Variants in MICU3 observed in about 807,000 individuals in gnomAD.
MICU3 encodes calcium uptake protein 3, mitochondrial.
A neutral mutation model predicts 66.5 loss-of-function variants in MICU3; 62 were observed. That is an observed-to-expected ratio of 0.93 (90% CI 0.76 to 1.15). MICU3 has a LOEUF of 1.15. MICU3 is among the 50% of genes most tolerant of loss of function. MICU3 has a pLI of 0.00. For missense variants in MICU3, 779 were observed against 664.4 expected, an observed-to-expected ratio of 1.17 and a Z score of -1.90; for synonymous variants, 308 against 240.7, an observed-to-expected ratio of 1.28 and a Z score of -2.59.
intron 8 of MICU3, among the ~76,000 whole-genome samples, chr8:17,094,289 A>T (rs958645627): frequency 3.9e-5 from 6 of 152,028 alleles, no homozygotes; most frequent in Non-Finnish European, 7.4e-5. Flanking sequence ...CTGTGATCCC[A>T]TTACATTGTC....
intron 7 of MICU3, among the ~76,000 whole-genome samples, 190 bp from the exon 8 acceptor site, chr8:17,090,356 T>A (rs1374350840): frequency 6.6e-6 from 1 of 152,098 alleles, no homozygotes; most frequent in African/African-American, 2.4e-5. Flanking sequence ...TATCTGAGAT[T>A]TTTAAAACTT....
At chr8:17,091,399 A>G (rs548459849) in intron 8 of MICU3, among the ~76,000 whole-genome samples, 2 of 152,064 alleles carry the variant, frequency 1.3e-5, no homozygotes, top group East Asian at 1.9e-4. Context: ...AAATTCCACC[A>G]TAGGAGCCCT....
At chr8:17,128,614 C>T in the MICU3 span, among the ~76,000 whole-genome samples, 1 of 152,120 alleles carries the variant, frequency 6.6e-6, no homozygotes. Flanking sequence ...ATCCTTCTAC[C>T]ATAAACAACT....
chr8:17,099,472 T>C (rs558167549), intron 9 of MICU3, among the ~76,000 whole-genome samples: 130 of 151,928 alleles, frequency 8.6e-4, no homozygotes, highest in Admixed American at 2.4e-3. Context: ...TATTGACATA[T>C]CTAGACTAGG....
At chr8:17,104,066 G>T (rs560793344) in intron 9 of MICU3, among the ~76,000 whole-genome samples, 4 of 151,750 alleles carry the variant, frequency 2.6e-5, no homozygotes, top group Non-Finnish European at 5.9e-5. Context: ...ATATTTAGAT[G>T]ATTATTAAAG....
At chr8:17,037,427 G>A (rs1254489285) in intron 1 of MICU3, among the ~76,000 whole-genome samples, 1 of 152,210 alleles carries the variant, frequency 6.6e-6, no homozygotes, top group Non-Finnish European at 1.5e-5. Context: ...CTGTGTCCCA[G>A]CCATGGCCAA....
At chr8:17,106,959 T>A (rs1801796793) in intron 11 of MICU3, among the ~76,000 whole-genome samples, 1 of 152,080 alleles carries the variant, frequency 6.6e-6, no homozygotes. Flanking sequence ...CCATCTCTCA[T>A]CTCCTTCTCT....
chr8:17,113,995 T>C (rs1248790246), intron 11 of MICU3, 98 bp from the exon 12 acceptor site: 4 of 682,494 alleles, frequency 5.9e-6, no homozygotes, highest in South Asian at 4.6e-5. Flanking sequence ...ACAAGATACA[T>C]TGCAAATGCT....
intron 1 of MICU3, among the ~76,000 whole-genome samples, chr8:17,056,019 G>A (rs940292114): frequency 3.9e-5 from 6 of 152,152 alleles, no homozygotes; most frequent in Admixed American, 2.0e-4. Context: ...CACACACTAA[G>A]ACCCACAGAA....
At chr8:17,046,725 A>G (rs951306826) in intron 1 of MICU3, among the ~76,000 whole-genome samples, 2 of 152,086 alleles carry the variant, frequency 1.3e-5, no homozygotes, top group African/African-American at 4.8e-5. Flanking sequence ...TAACGCCAGA[A>G]TTCTCGTCAA....
chr8:17,061,132 T>C (rs1817763008), intron 1 of MICU3, among the ~76,000 whole-genome samples: 1 of 152,078 alleles, frequency 6.6e-6, no homozygotes, highest in African/African-American at 2.4e-5. Flanking sequence ...TGTAGGAAAG[T>C]AGTAATGAGT....
intron 11 of MICU3, among the ~76,000 whole-genome samples, chr8:17,111,649 A>C (rs1235903950): frequency 6.6e-6 from 1 of 152,190 alleles, no homozygotes; most frequent in Non-Finnish European, 1.5e-5. Context: ...ACTAGCTTTA[A>C]CTATTAAATT....
intron 4 of MICU3, among the ~76,000 whole-genome samples, chr8:17,080,087 T>G (rs1013826601): frequency 2.6e-5 from 4 of 152,100 alleles, no homozygotes; most frequent in Non-Finnish European, 5.9e-5. Flanking sequence ...TAGCTTTTTT[T>G]TTTGTATTTT....
chr8:17,097,370 T>C (rs984188595), intron 8 of MICU3, among the ~76,000 whole-genome samples: 1 of 151,778 alleles, frequency 6.6e-6, no homozygotes, highest in Non-Finnish European at 1.5e-5. Flanking sequence ...GTCAATTTGC[T>C]ACATTTATAG....
chr8:17,033,316 A>G (rs1379562790), intron 1 of MICU3, among the ~76,000 whole-genome samples: 1 of 152,254 alleles, frequency 6.6e-6, no homozygotes, highest in Non-Finnish European at 1.5e-5. Context: ...GAACACACAG[A>G]TTATAAGGAG....
chr8:17,116,698 G>A (rs1224197252), intron 13 of MICU3, 98 bp downstream of exon 13: 3 of 922,278 alleles, frequency 3.3e-6, no homozygotes, highest in Middle Eastern at 3.4e-4. Context: ...ATTTCTTAAG[G>A]ATATAAACAT....
intron 1 of MICU3, among the ~76,000 whole-genome samples, chr8:17,054,679 C>T (rs1455709328): frequency 1.3e-5 from 2 of 151,694 alleles, no homozygotes; most frequent in Non-Finnish European, 2.9e-5. Context: ...TTCAACATCT[C>T]TCAACATTCA....
chr8:17,105,566 C>G lies in MICU3; in HGVS notation c.1239C>G (p.Tyr413Ter). Reference protein sequence around the residue: ...NTSVFLENVRYSIPEEKGITF... With the variant: ...NTSVFLENVR ...CAGTATTTTTAGAAAATGTGCGTTACAGTATACCTGAAGAAAAGGTATCTA... is the reference window on the plus strand; with the variant it reads ...CAGTATTTTTAGAAAATGTGCGTTAGAGTATACCTGAAGAAAAGGTATCTA... The change falls in exon 11 of 15, where the codon TAC (tyrosine) becomes TAG (stop). Residue 413 changes from tyrosine (Y) to a stop codon, truncating the protein, a stop_gained. Coordinates refer to ENST00000318063, the MANE Select transcript of MICU3 (RefSeq NM_181723.3). LOFTEE classifies it high-confidence loss of function. 6.5e-7 allele frequency: 1 copy of G among 1,538,888 alleles called. No individual in the cohort carries two copies. The highest frequency in any genetic ancestry group is 8.7e-7 in the Non-Finnish European group (1 of 1,143,062).
In MICU3 at chr8:17,077,790, A is replaced by C; in HGVS notation, c.575A>C (p.Asn192Thr). 1.9e-6 allele frequency: 3 copies of C among 1,610,540 alleles called. No individual in the cohort carries two copies. Among genetic ancestry groups the C allele is most frequent in the Non-Finnish European group, 2.5e-6 (3 of 1,177,624 alleles). Residue 192 changes from asparagine (N) to threonine (T), a missense_variant, in exon 4 of 15, where the codon AAT becomes ACT. Physicochemically the swap from Asn to Thr is moderately conservative, Grantham distance 65. Transcript: ENST00000318063. ...TWKSLSKQEL[N>T]QMLAETPPVW... Reference sequence around the variant, plus strand: ...GTATAACTTCTGTCATAGGAATTAAATCAAATGCTCGCAGAAACACCACCA... The same window carrying C: ...GTATAACTTCTGTCATAGGAATTAACTCAAATGCTCGCAGAAACACCACCA...
Sources: gnomAD v4.1 joint callset for allele counts (sites outside exome capture counted in the v4.1 genomes callset) on GRCh38, gnomAD v4.1.1 for gene constraint, MANE v1.5 for transcripts, NCBI Gene and HGNC (gene_info 2026-07-23, HGNC 2026-07-21) for gene names.